Variants in TENM2 observed in about 807,000 individuals in gnomAD.
TENM2 encodes teneurin transmembrane protein 2.
TENM2 carries 52 observed loss-of-function variants against 245.2 expected under a neutral mutation model. The observed-to-expected ratio is 0.21, with a 90% CI of 0.17 to 0.27. The LOEUF (loss-of-function observed/expected upper bound fraction) is 0.27, where lower values mean the gene tolerates loss of function less well. Ranked by LOEUF, TENM2 falls within the 10% of genes least tolerant of loss-of-function variation. The probability of loss-of-function intolerance (pLI) is 1.00; values close to 1 mark genes in which losing one functional copy is unlikely to be tolerated. For synonymous variants in TENM2, 1,363 were observed against 1,438.9 expected (o/e 0.95, Z 1.19); for missense variants, 3,046 against 3,666.8 (o/e 0.83, Z 4.37).
intron 2 of TENM2, among the ~76,000 whole-genome samples, chr5:167,450,968 GTC>G (rs1765540435): frequency 6.6e-6 from 1 of 152,200 alleles, no homozygotes; most frequent in South Asian, 2.1e-4. Context: ...AGACTGTACA[GTC>G]TCTTATTTTT....
chr5:167,304,613 A>G (rs1344758319), intron 1 of TENM2, among the ~76,000 whole-genome samples: 2 of 152,176 alleles, frequency 1.3e-5, no homozygotes, highest in African/African-American at 2.4e-5. Flanking sequence ...GTTTTCCATA[A>G]GAAACTGTGT....
intron 1 of TENM2, among the ~76,000 whole-genome samples, chr5:167,359,691 A>G (rs1759581059): frequency 6.6e-6 from 1 of 152,100 alleles, no homozygotes; most frequent in African/African-American, 2.4e-5. Context: ...CAGGGATTTT[A>G]TAGTTTTGGG....
chr5:168,069,350 A>G (rs777147035), intron 7 of TENM2, among the ~76,000 whole-genome samples: 5 of 152,236 alleles, frequency 3.3e-5, no homozygotes, highest in Admixed American at 6.5e-5. Context: ...ATCTTTGCAA[A>G]AATTAATGGC....
At chr5:166,986,052 C>T in the TENM2 span, among the ~76,000 whole-genome samples, 4 of 152,282 alleles carry the variant, frequency 2.6e-5, no homozygotes, top group Middle Eastern at 3.4e-3. Context: ...GTACATCCCT[C>T]AGCTGTGCTT....
chr5:168,067,625 T>C (rs1376574703), intron 7 of TENM2, among the ~76,000 whole-genome samples: 1 of 152,182 alleles, frequency 6.6e-6, no homozygotes, highest in African/African-American at 2.4e-5. Context: ...TCCCCTTCTT[T>C]CTTGCCTAAG....
chr5:167,987,812 C>G (rs1783363668), intron 4 of TENM2, among the ~76,000 whole-genome samples: 1 of 152,158 alleles, frequency 6.6e-6, no homozygotes, highest in Non-Finnish European at 1.5e-5. Flanking sequence ...GTCTGAAGAT[C>G]ACTTCTATCG....
intron 5 of TENM2, among the ~76,000 whole-genome samples, chr5:168,037,308 C>T (rs1400624556): frequency 1.3e-5 from 2 of 151,288 alleles, no homozygotes. Flanking sequence ...GAATTACATA[C>T]AGGATTTGCT....
chr5:168,178,174 G>A (rs1053197477), intron 13 of TENM2, among the ~76,000 whole-genome samples: 1 of 152,160 alleles, frequency 6.6e-6, no homozygotes, highest in Non-Finnish European at 1.5e-5. Context: ...CTGAGGTGTC[G>A]GTGGTGACAG....
intron 3 of TENM2, among the ~76,000 whole-genome samples, chr5:167,919,859 C>G (rs75763050): frequency 6.6e-6 from 1 of 152,180 alleles, no homozygotes; most frequent in Admixed American, 6.5e-5. Context: ...ATGACTATCA[C>G]GACATCCAGT....
intron 2 of TENM2, among the ~76,000 whole-genome samples, chr5:167,454,372 T>A (rs1157518592): frequency 6.6e-6 from 1 of 152,062 alleles, no homozygotes; most frequent in African/African-American, 2.4e-5. Context: ...CTTATGTAAT[T>A]AAGAAGATCA....
At chr5:168,252,713 G>A (rs189261324) in intron 27 of TENM2, among the ~76,000 whole-genome samples, 222 of 151,886 alleles carry the variant, frequency 1.5e-3, no homozygotes, top group Non-Finnish European at 2.8e-3. Context: ...CAGGCATCGT[G>A]GCAGGCACCT....
chr5:167,037,965 C>T, the TENM2 span, among the ~76,000 whole-genome samples: 8 of 152,200 alleles, frequency 5.3e-5, no homozygotes, highest in African/African-American at 9.6e-5. Context: ...CCTATGCTTC[C>T]GCATTCCACT....
chr5:167,011,544 G>A, the TENM2 span, among the ~76,000 whole-genome samples: 1 of 152,196 alleles, frequency 6.6e-6, no homozygotes, highest in Non-Finnish European at 1.5e-5. Flanking sequence ...CTTGATGAGG[G>A]AGCATGAGGC....
chr5:167,782,777 C>T (rs1369479340), intron 2 of TENM2, among the ~76,000 whole-genome samples: 1 of 152,174 alleles, frequency 6.6e-6, no homozygotes, highest in African/African-American at 2.4e-5. Context: ...TTTTCCCCAC[C>T]TCAGCTTAAA....
intron 2 of TENM2, among the ~76,000 whole-genome samples, chr5:167,813,204 G>A (rs2151001652): frequency 6.6e-6 from 1 of 152,222 alleles, no homozygotes; most frequent in Non-Finnish European, 1.5e-5. Context: ...GTGCATCCCA[G>A]TTAGTAGAGA....
chr5:167,535,262 C>T (rs558166545), intron 2 of TENM2, among the ~76,000 whole-genome samples: 4 of 151,950 alleles, frequency 2.6e-5, no homozygotes, highest in Admixed American at 1.3e-4. Context: ...TCAAGCTCCC[C>T]TTTGTCCCTT....
chr5:167,834,024 G>A (rs979335503), intron 2 of TENM2, among the ~76,000 whole-genome samples: 3 of 152,208 alleles, frequency 2.0e-5, no homozygotes, highest in Admixed American at 6.5e-5. Flanking sequence ...TAGATATGGG[G>A]ATACAGTGGC....
chr5:167,724,799 AG>A (rs1457850327), intron 2 of TENM2, among the ~76,000 whole-genome samples: 2 of 152,160 alleles, frequency 1.3e-5, no homozygotes, highest in Non-Finnish European at 2.9e-5. Context: ...GACGGACAGT[AG>A]CTTGATGGTT....
intron 2 of TENM2, among the ~76,000 whole-genome samples, chr5:167,446,894 A>G (rs1232528261): frequency 6.6e-6 from 1 of 151,904 alleles, no homozygotes; most frequent in African/African-American, 2.4e-5. Context: ...AAATGCTTGG[A>G]GCCGGAAGTT....
Sources: allele counts gnomAD v4.1 joint callset (sites outside exome capture counted in the v4.1 genomes callset), GRCh38; gene constraint gnomAD v4.1.1; transcripts MANE v1.5; gene names NCBI Gene and HGNC (gene_info 2026-07-23, HGNC 2026-07-21).